PPM1D: variants seen among roughly 807,000 people sequenced by gnomAD.
PPM1D encodes the protein protein phosphatase, Mg2+/Mn2+ dependent 1D, also known as protein phosphatase 1D.
A neutral mutation model predicts 58.3 loss-of-function variants in PPM1D; 52 were observed. That is an observed-to-expected ratio of 0.89 (90% CI 0.71 to 1.12). The LOEUF is 1.12. PPM1D is among the 50% of genes most tolerant of loss of function. The probability of loss-of-function intolerance (pLI) is 0.00; values close to 1 mark genes in which losing one functional copy is unlikely to be tolerated. For synonymous variants in PPM1D, 278 were observed against 285.1 expected, an observed-to-expected ratio of 0.98 and a Z score of 0.25; for missense variants, 564 against 777.2, an observed-to-expected ratio of 0.73 and a Z score of 3.26.
At chr17:60,625,666 A>T (rs1419060790) in intron 2 of PPM1D, among the ~76,000 whole-genome samples, 2 of 152,230 alleles carry the variant, frequency 1.3e-5, no homozygotes, top group African/African-American at 4.8e-5. Context: ...AAGTAAAGGT[A>T]GAGTAATATG....
chr17:60,608,445 A>G (rs1177855706), intron 1 of PPM1D, among the ~76,000 whole-genome samples: 3 of 152,088 alleles, frequency 2.0e-5, no homozygotes, highest in Non-Finnish European at 4.4e-5. Context: ...GCAGATCATG[A>G]GGTCAAGAAC....
At chr17:60,632,931 C>T (rs1162933838) in intron 2 of PPM1D, among the ~76,000 whole-genome samples, 1 of 150,468 alleles carries the variant, frequency 6.6e-6, no homozygotes, top group Non-Finnish European at 1.5e-5. Context: ...GGTGCCACTG[C>T]ACTCCAGTCT....
intron 1 of PPM1D, among the ~76,000 whole-genome samples, chr17:60,621,322 T>C (rs182323391): frequency 6.6e-6 from 1 of 152,234 alleles, no homozygotes; most frequent in Non-Finnish European, 1.5e-5. Context: ...TTCATTCTTT[T>C]GCATGTGGAT....
Position 60,620,119 on chromosome 17 carries a change from C to T in PPM1D, c.473-3402C>T, listed in dbSNP as rs2030669982. On this transcript the variant is annotated intron_variant, in intron 1 of 5. Coordinates refer to ENST00000305921, the MANE Select transcript of PPM1D (RefSeq NM_003620.4). ...GTTCAAACTATTCTCCTGTCTCAGCCTCCCCAGTGGCTAGGATTACAGGCG... is the reference window on the plus strand; with the variant it reads ...GTTCAAACTATTCTCCTGTCTCAGCTTCCCCAGTGGCTAGGATTACAGGCG... Among the ~76,000 whole-genome samples, 3 of 152,184 alleles carry T rather than the reference C, an allele frequency of 2.0e-5. No individual in the cohort carries two copies. In the South Asian group the frequency reaches 6.2e-4, roughly 32 times the overall value.
chr17:60,652,550 G>GTTTTTTTTTTT (rs776162517), intron 4 of PPM1D, among the ~76,000 whole-genome samples: 35 of 67,632 alleles, frequency 5.2e-4, no homozygotes, highest in Non-Finnish European at 7.5e-4. Context: ...GTTTACTTCT[G>GTTTTTTTTTTT]TTTTTTTTTT....
intron 2 of PPM1D, among the ~76,000 whole-genome samples, chr17:60,631,374 C>T (rs1955764952): frequency 6.6e-6 from 1 of 152,114 alleles, no homozygotes; most frequent in Non-Finnish European, 1.5e-5. Context: ...CATGGTGACT[C>T]ATGCCTGTAA....
chr17:60,622,958 A>T (rs1479218736), intron 1 of PPM1D, among the ~76,000 whole-genome samples: 3 of 152,042 alleles, frequency 2.0e-5, no homozygotes, highest in African/African-American at 4.8e-5. Context: ...TTAGCTGGGG[A>T]TGGTGGCAGG....
At chr17:60,601,656 G>A (rs2030214892) in intron 1 of PPM1D, among the ~76,000 whole-genome samples, 1 of 152,092 alleles carries the variant, frequency 6.6e-6, no homozygotes, top group African/African-American at 2.4e-5. Context: ...AGTTTAAAAA[G>A]TACTTATAAA....
At chr17:60,648,218 CAT>C in intron 4 of PPM1D, 136 bp downstream of exon 4, 1 of 835,906 alleles carries the variant, frequency 1.2e-6, no homozygotes, top group East Asian at 2.8e-5. Flanking sequence ...GTGGGTAAAA[CAT>C]AGGCTTTGTA....
chr17:60,655,990 T>A (rs1567977395), intron 4 of PPM1D, among the ~76,000 whole-genome samples: 1 of 152,012 alleles, frequency 6.6e-6, no homozygotes, highest in Non-Finnish European at 1.5e-5. Context: ...CATGAGCCAT[T>A]GCGTCTGGAC....
At chr17:60,605,692 C>T (rs1357920616) in intron 1 of PPM1D, among the ~76,000 whole-genome samples, 1 of 152,192 alleles carries the variant, frequency 6.6e-6, no homozygotes, top group Admixed American at 6.5e-5. Flanking sequence ...CACCCAAGGT[C>T]AGGAGTTTGA....
chr17:60,640,004 G>T (rs73990930), intron 3 of PPM1D, among the ~76,000 whole-genome samples: 220 of 152,290 alleles, frequency 1.4e-3, no homozygotes, highest in African/African-American at 5.0e-3. Context: ...AGAAAATACT[G>T]CATTTTATAG....
rs2031559343 is a variant in PPM1D at position 60,663,211 on chromosome 17, A to G, written c.1477A>G (p.Ser493Gly). Residue 493 changes from serine (S) to glycine (G), a missense_variant, in exon 6 of 6, where the codon AGC becomes GGC. Transcript: ENST00000305921. Reference sequence around the variant, plus strand: ...AAGGATACATGATTCTTTGAATAATAGCCTTCCAATTGGCCTTGTGCCTAC... The same window carrying G: ...AAGGATACATGATTCTTTGAATAATGGCCTTCCAATTGGCCTTGTGCCTAC... ...TLRIHDSLNN[S>G]LPIGLVPTNS... 1 of 1,614,198 alleles carries G rather than the reference A, an allele frequency of 6.2e-7. No homozygotes were observed.
chr17:60,640,965 AGT>A (rs1445131328), intron 3 of PPM1D, among the ~76,000 whole-genome samples: 1 of 151,518 alleles, frequency 6.6e-6, no homozygotes, highest in Non-Finnish European at 1.5e-5. Context: ...AGTATTCTGT[AGT>A]GTGTATGTAC....
At chr17:60,630,013 C>G (rs895019947) in intron 2 of PPM1D, among the ~76,000 whole-genome samples, 3 of 152,142 alleles carry the variant, frequency 2.0e-5, no homozygotes, top group African/African-American at 7.2e-5. Flanking sequence ...GCACTCCAGC[C>G]TGCCCAACAA....
intron 1 of PPM1D, among the ~76,000 whole-genome samples, chr17:60,613,021 T>C (rs1356238773): frequency 1.3e-5 from 2 of 152,196 alleles, no homozygotes; most frequent in Non-Finnish European, 2.9e-5. Flanking sequence ...CTTGGCCTTT[T>C]CTACCATAAT....
At chr17:60,654,630 G>A (rs1350861311) in intron 4 of PPM1D, among the ~76,000 whole-genome samples, 1 of 151,782 alleles carries the variant, frequency 6.6e-6, no homozygotes, top group Admixed American at 6.6e-5. Flanking sequence ...GGGAGGCCGA[G>A]GCAGGCAGAT....
At chr17:60,647,436 T>G (rs9912614) in intron 3 of PPM1D, among the ~76,000 whole-genome samples, 3,551 of 152,270 alleles carry the variant, frequency 0.023, 144 homozygotes, top group African/African-American at 0.082. Flanking sequence ...TTAACAACTT[T>G]GCTAAACTTT....
intron 3 of PPM1D, among the ~76,000 whole-genome samples, chr17:60,637,528 C>T (rs947617523): frequency 2.0e-5 from 3 of 152,274 alleles, no homozygotes; most frequent in South Asian, 2.1e-4. Context: ...ATTACCCTTT[C>T]GGCATGTTTT....
Sources: allele counts gnomAD v4.1 joint callset (sites outside exome capture counted in the v4.1 genomes callset), GRCh38; gene constraint gnomAD v4.1.1; transcripts MANE v1.5; gene names NCBI Gene and HGNC (gene_info 2026-07-23, HGNC 2026-07-21).